The following HTR1F variants were observed in gnomAD, a reference collection of about 807,000 sequenced individuals.
The protein encoded by HTR1F is 5-hydroxytryptamine receptor 1F.
HTR1F carries 17 observed loss-of-function variants against 24.0 expected under a neutral mutation model. The observed-to-expected ratio is 0.71, with a 90% CI of 0.48 to 1.06. The LOEUF (loss-of-function observed/expected upper bound fraction) is 1.06. Ranked by LOEUF, HTR1F falls within the 50% of genes least tolerant of loss-of-function variation. HTR1F has a pLI of 0.00. For missense variants in HTR1F, 391 were observed against 427.8 expected, an observed-to-expected ratio of 0.91 and a Z score of 0.76; for synonymous variants, 186 against 156.8, an observed-to-expected ratio of 1.19 and a Z score of -1.39.
intron 2 of HTR1F, among the ~76,000 whole-genome samples, chr3:87,973,979 G>A (rs561736139): frequency 4.6e-5 from 7 of 152,242 alleles, no homozygotes; most frequent in South Asian, 2.1e-4. Flanking sequence ...CATAGATGTC[G>A]GAATTACACA....
chr3:87,885,531 T>C (rs1362222908), intron 2 of HTR1F, among the ~76,000 whole-genome samples: 1 of 151,932 alleles, frequency 6.6e-6, no homozygotes. Context: ...AAAAAACCCT[T>C]CAAAAAATCA....
chr3:87,975,344 T>C (rs1159628645), intron 2 of HTR1F, among the ~76,000 whole-genome samples: 1 of 152,102 alleles, frequency 6.6e-6, no homozygotes, highest in Non-Finnish European at 1.5e-5. Context: ...GATTTGGATT[T>C]TTCTAAAAAA....
intron 2 of HTR1F, among the ~76,000 whole-genome samples, chr3:87,962,163 T>A (rs1705076433): frequency 6.6e-6 from 1 of 152,058 alleles, no homozygotes; most frequent in Non-Finnish European, 1.5e-5. Context: ...CAACTTGGAT[T>A]TTTTGCAAAC....
chr3:87,906,659 T>C (rs533879871), intron 2 of HTR1F, among the ~76,000 whole-genome samples: 1 of 152,136 alleles, frequency 6.6e-6, no homozygotes, highest in East Asian at 1.9e-4. Flanking sequence ...GGGTACACTG[T>C]ACCCAATGTG....
intron 1 of HTR1F, among the ~76,000 whole-genome samples, chr3:87,794,982 C>CTT (rs57368229): frequency 0.011 from 993 of 90,312 alleles, 164 homozygotes; most frequent in African/African-American, 0.04. Context: ...TTATGACTGA[C>CTT]TTTTTTTTTT....
At chr3:87,887,531 A>T (rs1243090338) in intron 2 of HTR1F, among the ~76,000 whole-genome samples, 1 of 152,208 alleles carries the variant, frequency 6.6e-6, no homozygotes, top group Non-Finnish European at 1.5e-5. Context: ...CATCAGAGTG[A>T]ACAGGCAACC....
chr3:87,868,114 T>A (rs1705468379), intron 2 of HTR1F, among the ~76,000 whole-genome samples: 1 of 152,124 alleles, frequency 6.6e-6, no homozygotes, highest in African/African-American at 2.4e-5. Context: ...CATTAATTCA[T>A]CAAATAAAAT....
intron 2 of HTR1F, among the ~76,000 whole-genome samples, chr3:87,933,871 AG>A (rs1704347359): frequency 1.3e-5 from 2 of 152,316 alleles, no homozygotes; most frequent in Admixed American, 6.5e-5. Context: ...AGTCATGGGC[AG>A]TAGCATGCTC....
intron 2 of HTR1F, among the ~76,000 whole-genome samples, chr3:87,883,055 G>A (rs975084271): frequency 2.6e-5 from 4 of 152,012 alleles, no homozygotes; most frequent in African/African-American, 9.7e-5. Context: ...AGTAGGGGCG[G>A]ACACCTCATA....
At chr3:87,904,942 T>C (rs944063080) in intron 2 of HTR1F, among the ~76,000 whole-genome samples, 1 of 152,078 alleles carries the variant, frequency 6.6e-6, no homozygotes, top group Non-Finnish European at 1.5e-5. Context: ...ATATCTTTCC[T>C]TTATAAAAAT....
chr3:87,909,680 T>C lies in HTR1F; in HGVS notation c.-42-81028T>C, dbSNP rs76011262. Reference sequence around the variant, plus strand: ...TCATAGAAGTTTATTTTTTCATTTATGTAAAGAAGCTAAGCTTGAAACCTA... The same window carrying C: ...TCATAGAAGTTTATTTTTTCATTTACGTAAAGAAGCTAAGCTTGAAACCTA... On this transcript the variant is annotated intron_variant, in intron 2 of 2. Coordinates refer to ENST00000319595, the MANE Select transcript of HTR1F (RefSeq NM_001322209.2). 4.6e-3 allele frequency among the ~76,000 whole-genome samples: 700 copies of C among 152,168 alleles called. 8 individuals are homozygous for C. The highest frequency in any genetic ancestry group is 0.016 in the African/African-American group (666 of 41,584).
chr3:87,977,422 G>A (rs370971504), intron 2 of HTR1F, among the ~76,000 whole-genome samples: 62 of 135,704 alleles, frequency 4.6e-4, no homozygotes, highest in African/African-American at 1.6e-3. Flanking sequence ...TTTTTGAGAC[G>A]GAGTCTCACT....
At position 87,818,362 on chromosome 3, in the gene HTR1F, T is replaced by C. The variant is rs113474899; in HGVS notation, c.-159-3646T>C. ...GGCCCACTGTTTGGCACAGCAGGGT[T>C]GCGTATTTCCTATGTCAATTGAAAA... On this transcript the variant is annotated intron_variant, in intron 1 of 2. Coordinates refer to ENST00000319595, the MANE Select transcript of HTR1F (RefSeq NM_001322209.2). Among the ~76,000 whole-genome samples, 242 of 152,264 alleles carry C rather than the reference T, an allele frequency of 1.6e-3. 2 individuals are homozygous for C. The highest frequency in any genetic ancestry group is 5.6e-3 in the African/African-American group (233 of 41,544).
At chr3:87,813,241 C>A (rs1474238720) in intron 1 of HTR1F, among the ~76,000 whole-genome samples, 1 of 152,200 alleles carries the variant, frequency 6.6e-6, no homozygotes, top group Non-Finnish European at 1.5e-5. Flanking sequence ...CCATCCCTTG[C>A]ATCAGCGTGC....
intron 2 of HTR1F, among the ~76,000 whole-genome samples, chr3:87,945,636 C>A (rs1704680141): frequency 6.6e-6 from 1 of 152,120 alleles, no homozygotes; most frequent in Non-Finnish European, 1.5e-5. Context: ...TGGTTCTAGG[C>A]AGATGAATGC....
At chr3:87,832,171 C>A (rs78066413) in intron 2 of HTR1F, among the ~76,000 whole-genome samples, 11,506 of 152,070 alleles carry the variant, frequency 0.076, 520 homozygotes, top group Middle Eastern at 0.11. Flanking sequence ...CCGTATCTTC[C>A]ATGTGTCTTG....
At chr3:87,937,798 C>T (rs1429810578) in intron 2 of HTR1F, among the ~76,000 whole-genome samples, 1 of 151,940 alleles carries the variant, frequency 6.6e-6, no homozygotes, top group East Asian at 1.9e-4. Flanking sequence ...GTGGTGGGTG[C>T]CTGTAGTCCC....
At chr3:87,976,280 T>C (rs1705393572) in intron 2 of HTR1F, among the ~76,000 whole-genome samples, 1 of 152,212 alleles carries the variant, frequency 6.6e-6, no homozygotes, top group African/African-American at 2.4e-5. Context: ...AGTAACAGTC[T>C]AGTTCCTGGT....
At chr3:87,832,087 G>A (rs1704590885) in intron 2 of HTR1F, among the ~76,000 whole-genome samples, 1 of 152,086 alleles carries the variant, frequency 6.6e-6, no homozygotes, top group African/African-American at 2.4e-5. Flanking sequence ...AAGAGCCTGT[G>A]TTCATAACCA....
Sources: gnomAD v4.1 joint callset for allele counts (sites outside exome capture counted in the v4.1 genomes callset) on GRCh38, gnomAD v4.1.1 for gene constraint, MANE v1.5 for transcripts, NCBI Gene and HGNC (gene_info 2026-07-23, HGNC 2026-07-21) for gene names.